Variants in FMN1 observed in about 807,000 individuals in gnomAD.
FMN1 encodes the protein formin 1, also known as formin-1.
Under a neutral mutation model 132.4 loss-of-function variants are expected in FMN1, and 110 were observed. The observed-to-expected ratio is 0.83, with a 90% CI of 0.71 to 0.97. The LOEUF (loss-of-function observed/expected upper bound fraction) is 0.97. Among genes scored for constraint, FMN1 ranks in the 50% least tolerant of loss-of-function variants. FMN1 has a pLI of 0.00. For missense variants in FMN1, 1,792 were observed against 1,705.3 expected (o/e 1.05, Z -0.90); for synonymous variants, 722 against 651.7 (o/e 1.11, Z -1.64).
intron 10 of FMN1, among the ~76,000 whole-genome samples, chr15:32,916,399 CAG>C (rs1265598491): frequency 1.3e-5 from 2 of 152,280 alleles, no homozygotes; most frequent in East Asian, 3.9e-4. Context: ...AAAAGACAGG[CAG>C]AGTTATTTAA....
chr15:33,007,921 A>T, intron 7 of FMN1, 93 bp downstream of exon 7: 2 of 1,087,296 alleles, frequency 1.8e-6, no homozygotes, highest in Non-Finnish European at 1.4e-6. Flanking sequence ...GTCTAGTTTA[A>T]CACTTCAACT....
At chr15:33,117,149 G>A (rs1393676976) in intron 4 of FMN1, among the ~76,000 whole-genome samples, 2 of 152,048 alleles carry the variant, frequency 1.3e-5, no homozygotes, top group Non-Finnish European at 2.9e-5. Flanking sequence ...GATCTAGTTT[G>A]GAGAAATTAC....
intron 9 of FMN1, among the ~76,000 whole-genome samples, chr15:32,945,993 A>G (rs998428648): frequency 6.7e-6 from 1 of 149,928 alleles, no homozygotes; most frequent in Non-Finnish European, 1.5e-5. Flanking sequence ...TCTGGCTAAC[A>G]GCTGCTGATA....
chr15:32,982,218 G>T (rs1029052313), intron 7 of FMN1, among the ~76,000 whole-genome samples: 1 of 152,144 alleles, frequency 6.6e-6, no homozygotes. Context: ...ATTAGGAGGA[G>T]GGAGGAGAGG....
rs947434749 is a variant in FMN1 at position 32,767,615 on chromosome 15, T to C, written c.*6695A>G. On this transcript the variant is annotated 3_prime_UTR_variant, in exon 21 of 21. Transcript: ENST00000616417. ...CTAATTTTAAAAGTTTCTGCCTTTT[T>C]AGTATTTTAGATTGGTTCTTTAAAG... 2.6e-5 allele frequency: 4 copies of C among 152,240 alleles called. No homozygotes were observed. Among genetic ancestry groups the C allele is most frequent in the Non-Finnish European group, 5.9e-5 (4 of 68,034 alleles). 9.4% of individuals were successfully genotyped at this position (152,240 alleles called of 1,614,324 possible).
chr15:33,117,844 T>A (rs1431499117), intron 4 of FMN1, among the ~76,000 whole-genome samples: 1 of 152,172 alleles, frequency 6.6e-6, no homozygotes, highest in Admixed American at 6.5e-5. Context: ...AGCAAATTAG[T>A]GTTTGAACTA....
chr15:32,903,421 T>C (rs930259006), intron 12 of FMN1, among the ~76,000 whole-genome samples: 2 of 152,206 alleles, frequency 1.3e-5, no homozygotes, highest in African/African-American at 4.8e-5. Context: ...TATAAATACA[T>C]AAGAAGCAAA....
At chr15:33,178,655 T>C (rs751500422) in intron 3 of FMN1, among the ~76,000 whole-genome samples, 2 of 152,238 alleles carry the variant, frequency 1.3e-5, no homozygotes, top group Non-Finnish European at 2.9e-5. Context: ...CATAGTTAAG[T>C]AATCTTTGTG....
At chr15:32,898,585 G>A (rs2060215480) in intron 15 of FMN1, among the ~76,000 whole-genome samples, 1 of 152,204 alleles carries the variant, frequency 6.6e-6, no homozygotes. Context: ...CACTGAGGCA[G>A]CTAGGGGTCT....
At chr15:33,050,370 C>A (rs748490865) in intron 6 of FMN1, among the ~76,000 whole-genome samples, 1 of 151,784 alleles carries the variant, frequency 6.6e-6, no homozygotes, top group Non-Finnish European at 1.5e-5. Context: ...GCCTAAGATT[C>A]CAATACATAC....
intron 16 of FMN1, among the ~76,000 whole-genome samples, chr15:32,876,058 A>G (rs1466713909): frequency 6.6e-6 from 1 of 152,164 alleles, no homozygotes; most frequent in African/African-American, 2.4e-5. Flanking sequence ...AGTACCTTTA[A>G]AAAACCAAAA....
chr15:32,832,493 G>A (rs1327041499), intron 17 of FMN1, among the ~76,000 whole-genome samples: 1 of 152,116 alleles, frequency 6.6e-6, no homozygotes, highest in Non-Finnish European at 1.5e-5. Flanking sequence ...TTTCAAGGCA[G>A]AGGGGGCTGG....
chr15:33,115,502 C>CGA (rs1490351147), intron 4 of FMN1, among the ~76,000 whole-genome samples: 9 of 146,612 alleles, frequency 6.1e-5, no homozygotes, highest in Admixed American at 4.0e-4. Flanking sequence ...CCCCCCCCCC[C>CGA]CACACACACA....
At chr15:33,101,298 G>A (rs979537138) in intron 4 of FMN1, among the ~76,000 whole-genome samples, 1 of 151,954 alleles carries the variant, frequency 6.6e-6, no homozygotes, top group African/African-American at 2.4e-5. Flanking sequence ...TTGGCGATTT[G>A]GTAAATTCAG....
intron 7 of FMN1, among the ~76,000 whole-genome samples, chr15:32,975,441 TAAG>T (rs989286223): frequency 6.6e-6 from 1 of 152,196 alleles, no homozygotes; most frequent in African/African-American, 2.4e-5. Context: ...CAAAAAAATT[TAAG>T]GAGAGATAAA....
At chr15:32,891,069 G>A (rs373833301) in intron 15 of FMN1, among the ~76,000 whole-genome samples, 1 of 152,010 alleles carries the variant, frequency 6.6e-6, no homozygotes, top group Non-Finnish European at 1.5e-5. Flanking sequence ...TTTATTTCTG[G>A]GTTTTCTGTT....
chr15:32,829,203 AAT>A (rs2058442823), intron 17 of FMN1, among the ~76,000 whole-genome samples: 1 of 152,226 alleles, frequency 6.6e-6, no homozygotes, highest in African/African-American at 2.4e-5. Flanking sequence ...TAACTAGACA[AAT>A]ACCCAATAAC....
Position 33,054,369 on chromosome 15 carries a change from T to C in FMN1, c.2161+10588A>G, listed in dbSNP as rs189777884. Among the ~76,000 whole-genome samples, 965 of 152,306 alleles carry C rather than the reference T, an allele frequency of 6.3e-3. 7 individuals carry two copies. Among genetic ancestry groups the C allele is most frequent in the South Asian group, 0.016 (77 of 4,824 alleles). On this transcript the variant is annotated intron_variant, in intron 6 of 20. Coordinates refer to ENST00000616417, the MANE Select transcript of FMN1 (RefSeq NM_001277313.2). ...TCCTGTAAATTAAAAGGTTAGATTT[T>C]TTTCATCTAAATATTCTTATATTTA...
Position 32,817,449 on chromosome 15 carries a change from C to T in FMN1, c.3929-13117G>A, listed in dbSNP as rs765405689. On this transcript the variant is annotated intron_variant, in intron 17 of 20. Coordinates refer to ENST00000616417, the MANE Select transcript of FMN1 (RefSeq NM_001277313.2). ...GTTTGTCATAGCTGGAGGTTTAAAA[C>T]GGGTCCACTAGAAATGGTACCCAAG... 2.0e-5 allele frequency among the ~76,000 whole-genome samples: 3 copies of T among 152,130 alleles called. No individual in the cohort carries two copies. In the East Asian group the frequency reaches 5.8e-4, roughly 29 times the overall value.
Sources: allele counts gnomAD v4.1 joint callset (sites outside exome capture counted in the v4.1 genomes callset), GRCh38; gene constraint gnomAD v4.1.1; transcripts MANE v1.5; gene names NCBI Gene and HGNC (gene_info 2026-07-23, HGNC 2026-07-21).